Variants in PTPN11 observed in about 807,000 individuals in gnomAD.
The protein encoded by PTPN11 is protein tyrosine phosphatase non-receptor type 11, also known as tyrosine-protein phosphatase non-receptor type 11.
In PTPN11, 6 loss-of-function variants were observed where a neutral mutation model predicts 78.8. That is an observed-to-expected ratio of 0.08 (90% CI 0.04 to 0.15). The LOEUF is 0.15. PTPN11 is among the 10% of genes least tolerant of loss of function. The pLI, the probability that PTPN11 is intolerant of heterozygous loss-of-function variation, is 1.00. For synonymous variants in PTPN11, 221 were observed against 263.5 expected (o/e 0.84, Z 1.56); for missense variants, 386 against 744.8 (o/e 0.52, Z 5.61).
chr12:112,482,652 C>T lies in PTPN11; in HGVS notation c.1224+447C>T, dbSNP rs1332938818. 6.6e-6 allele frequency among the ~76,000 whole-genome samples: 1 copy of T among 152,152 alleles called. No individual in the cohort carries two copies. Among genetic ancestry groups the T allele is most frequent in the Non-Finnish European group, 1.5e-5 (1 of 68,036 alleles). Reference sequence around the variant, plus strand: ...CTCTCCAAGTATCCACAGACTTCAGCAGTTGTTCTTTTTTGTTCCTTCCTT... The same window carrying T: ...CTCTCCAAGTATCCACAGACTTCAGTAGTTGTTCTTTTTTGTTCCTTCCTT... On this transcript the variant is annotated intron_variant, in intron 10 of 15. Coordinates refer to ENST00000351677, the MANE Select transcript of PTPN11 (RefSeq NM_002834.5). This position sits in a 1 kb window ranked among gnomAD's most constrained non-coding sequence, Gnocchi z 4.4.
At chr12:112,493,837 A>C (rs1440092880) in intron 13 of PTPN11, among the ~76,000 whole-genome samples, 2 of 152,174 alleles carry the variant, frequency 1.3e-5, no homozygotes, top group Non-Finnish European at 2.9e-5. Flanking sequence ...CTTTAATCTC[A>C]GTTTTTATGA....
At chr12:112,426,765 A>G (rs978021066) in intron 1 of PTPN11, among the ~76,000 whole-genome samples, 1 of 151,862 alleles carries the variant, frequency 6.6e-6, no homozygotes, top group African/African-American at 2.4e-5. Flanking sequence ...CTATGAGATG[A>G]GTGGTACCTA....
intron 1 of PTPN11, among the ~76,000 whole-genome samples, chr12:112,438,487 T>TG (rs1424864615): frequency 1.5e-4 from 22 of 143,308 alleles, no homozygotes; most frequent in Admixed American, 1.4e-3. Context: ...CCATACCTAA[T>TG]TTTTTTTTTT....
At chr12:112,471,095 C>T (rs1042944250) in intron 6 of PTPN11, among the ~76,000 whole-genome samples, 10 of 152,090 alleles carry the variant, frequency 6.6e-5, no homozygotes, top group African/African-American at 1.9e-4. Flanking sequence ...AGCTTATGTC[C>T]AGGCTGAAGG....
chr12:112,449,911 C>G (rs1413414069), intron 2 of PTPN11, among the ~76,000 whole-genome samples: 1 of 151,888 alleles, frequency 6.6e-6, no homozygotes, highest in Non-Finnish European at 1.5e-5. Flanking sequence ...ACTAAAAATA[C>G]AAAAGTAGCT....
chr12:112,419,232 C>A (rs1397373812), intron 1 of PTPN11, 107 bp downstream of exon 1: 2 of 1,225,142 alleles, frequency 1.6e-6, no homozygotes, highest in Non-Finnish European at 2.1e-6. Context: ...GCTCCCGCCC[C>A]GGGTCGGGGT....
At chr12:112,426,437 A>G (rs1458033382) in intron 1 of PTPN11, among the ~76,000 whole-genome samples, 3 of 151,994 alleles carry the variant, frequency 2.0e-5, no homozygotes, top group African/African-American at 7.3e-5. Flanking sequence ...TTGTATTTTT[A>G]GTAGAGATGG....
chr12:112,454,176 C>G (rs2038119572), intron 4 of PTPN11, among the ~76,000 whole-genome samples: 1 of 152,050 alleles, frequency 6.6e-6, no homozygotes, highest in Non-Finnish European at 1.5e-5. Flanking sequence ...GTCTCCCAGG[C>G]TGAAGCACAG....
intron 1 of PTPN11, among the ~76,000 whole-genome samples, chr12:112,424,891 ATGTGTGTGTG>A (rs1223840459): frequency 1.3e-5 from 1 of 79,982 alleles, no homozygotes; most frequent in East Asian, 4.0e-4. Flanking sequence ...GTGTGTGTGT[ATGTGTGTGTG>A]TGTGTGTGTG....
chr12:112,462,335 C>T (rs2038260440), intron 6 of PTPN11, among the ~76,000 whole-genome samples: 1 of 151,774 alleles, frequency 6.6e-6, no homozygotes, highest in African/African-American at 2.4e-5. Flanking sequence ...TCTAGGGTGA[C>T]AGAGCAGGGA....
At chr12:112,419,871 G>A (rs1486901022) in intron 1 of PTPN11, among the ~76,000 whole-genome samples, 1 of 152,192 alleles carries the variant, frequency 6.6e-6, no homozygotes, top group Non-Finnish European at 1.5e-5. Context: ...GCTAGTAAAT[G>A]ACAAGATTTG....
At chr12:112,474,589 G>A (rs2038470186) in intron 7 of PTPN11, among the ~76,000 whole-genome samples, 2 of 151,546 alleles carry the variant, frequency 1.3e-5, no homozygotes, top group African/African-American at 2.4e-5. Context: ...GGCCTGGAAG[G>A]ATGTAGACCT....
intron 1 of PTPN11, among the ~76,000 whole-genome samples, chr12:112,437,261 G>T (rs945578843): frequency 6.6e-6 from 1 of 151,968 alleles, no homozygotes; most frequent in African/African-American, 2.4e-5. Context: ...GGGTTCAAGC[G>T]ATTCTGCTGC....
intron 13 of PTPN11, among the ~76,000 whole-genome samples, chr12:112,500,401 CA>C (rs1468712638): frequency 7.2e-5 from 11 of 152,056 alleles, no homozygotes; most frequent in African/African-American, 2.7e-4. Flanking sequence ...TGGTTATTTA[CA>C]AGTCTTTTTG....
Position 112,467,186 on chromosome 12 carries a change from G to A in PTPN11, c.757-5758G>A, listed in dbSNP as rs2038341563. 2.0e-5 allele frequency among the ~76,000 whole-genome samples: 3 copies of A among 152,252 alleles called. No individual in the cohort carries two copies. The South Asian group carries it at 6.2e-4, about 32-fold the overall frequency. ...TAGTGCCGTTGGGTACTCACAGTCA[G>A]TAGTGCCGTTGGGTACTCACATGTA... is the stretch of plus-strand genomic sequence containing the variant. On this transcript the variant is annotated intron_variant, in intron 6 of 15. Transcript: ENST00000351677.
At chr12:112,420,486 C>T (rs553949875) in intron 1 of PTPN11, among the ~76,000 whole-genome samples, 1 of 152,186 alleles carries the variant, frequency 6.6e-6, no homozygotes, top group South Asian at 2.1e-4. Context: ...ACTAGGACTA[C>T]AGGCGCACCA....
At chr12:112,498,281 G>A (rs1341307069) in intron 13 of PTPN11, among the ~76,000 whole-genome samples, 1 of 152,278 alleles carries the variant, frequency 6.6e-6, no homozygotes, top group Non-Finnish European at 1.5e-5. Flanking sequence ...GTGAGAACCC[G>A]TCATGGTTTG....
rs71086107 is a variant in PTPN11 at position 112,442,830 on chromosome 12, TTATATATATATATATATATA to T, written c.15-3417_15-3398del. Among the ~76,000 whole-genome samples the T allele has an allele frequency of 6.1e-3, 264 of 43,538 alleles. 5 individuals are homozygous for T. Among genetic ancestry groups the T allele is most frequent in the South Asian group, 0.023 (39 of 1,662 alleles). The allele number at this position is 43,538 out of a possible 152,430, so 28.6% of individuals were successfully genotyped here. A position where few individuals can be genotyped will look rare whatever the true frequency, so the allele number is the denominator to read the frequency against. On this transcript the variant is annotated intron_variant, in intron 1 of 15. Coordinates refer to ENST00000351677, the MANE Select transcript of PTPN11 (RefSeq NM_002834.5). Reference sequence around the variant, plus strand: ...CTCTCTCCTCTCTCTCTCTCTCTTTTTATATATATATATATATATATATATATATATATATATATATATAT... The same window carrying T: ...CTCTCTCCTCTCTCTCTCTCTCTTTTTATATATATATATATATATATATAT...
At chr12:112,434,619 AAGAG>A (rs920822311) in intron 1 of PTPN11, among the ~76,000 whole-genome samples, 2 of 152,126 alleles carry the variant, frequency 1.3e-5, no homozygotes, top group South Asian at 2.1e-4. Context: ...AAAAAAAAAA[AAGAG>A]AGAAAGATCT....
Sources: gnomAD v4.1 joint callset for allele counts (sites outside exome capture counted in the v4.1 genomes callset) on GRCh38, gnomAD v4.1.1 for gene constraint, Gnocchi (gnomAD v3.1) non-coding constraint, MANE v1.5 for transcripts, NCBI Gene and HGNC (gene_info 2026-07-23, HGNC 2026-07-21) for gene names.